The following DOP1A variants were observed in gnomAD, a reference collection of about 807,000 sequenced individuals.
DOP1A encodes DOP1 leucine zipper like protein A, also known as protein DOP1A.
In DOP1A, 90 loss-of-function variants were observed where a neutral mutation model predicts 267.6. That is an observed-to-expected ratio of 0.34 (90% CI 0.28 to 0.40). The LOEUF is 0.40. Ranked by LOEUF, DOP1A falls within the 10% of genes least tolerant of loss-of-function variation. The pLI, the probability that DOP1A is intolerant of heterozygous loss-of-function variation, is 1.00. For synonymous variants in DOP1A, 932 were observed against 999.1 expected (o/e 0.93, Z 1.27); for missense variants, 2,437 against 2,900.4 (o/e 0.84, Z 3.67).
In DOP1A at chr6:83,123,733, A is replaced by G. The variant is rs115854992; in HGVS notation, c.1340+751A>G. On this transcript the variant is annotated intron_variant, in intron 12 of 38. Coordinates refer to ENST00000349129, the MANE Select transcript of DOP1A (RefSeq NM_015018.4). Reference sequence around the variant, plus strand: ...GACAGTCCCTGTCTTCAAAGATCTTATAGTGGGAACAAATAAGACATGCAC... The same window carrying G: ...GACAGTCCCTGTCTTCAAAGATCTTGTAGTGGGAACAAATAAGACATGCAC... Among the ~76,000 whole-genome samples the G allele has an allele frequency of 2.5e-3, 380 of 152,234 alleles. 2 individuals carry two copies. Among genetic ancestry groups the G allele is most frequent in the African/African-American group, 8.5e-3 (353 of 41,570 alleles).
Position 83,113,306 on chromosome 6 carries a change from AG to A in DOP1A, c.682-16del. On this transcript the variant is annotated splice_polypyrimidine_tract_variant and intron_variant, in intron 6 of 38. Coordinates refer to ENST00000349129, the MANE Select transcript of DOP1A (RefSeq NM_015018.4). Reference sequence around the variant, plus strand: ...CAGCATAATAGACAATAGATGTTAAAGATGCTGTTATTTCAGGTAGAAGCAG... The same window carrying A: ...CAGCATAATAGACAATAGATGTTAAAATGCTGTTATTTCAGGTAGAAGCAG... The A allele has an allele frequency of 6.2e-7, 1 of 1,602,184 alleles. No homozygotes were observed. The highest frequency in any genetic ancestry group is 1.3e-5 in the African/African-American group (1 of 74,808).
intron 1 of DOP1A, among the ~76,000 whole-genome samples, chr6:83,081,179 T>G (rs533193009): frequency 6.6e-6 from 1 of 152,196 alleles, no homozygotes; most frequent in Admixed American, 6.5e-5. Flanking sequence ...TGGGGTGCAG[T>G]GGTGTGATCT....
At chr6:83,126,436 C>T (rs1777165803) in intron 15 of DOP1A, among the ~76,000 whole-genome samples, 1 of 152,044 alleles carries the variant, frequency 6.6e-6, no homozygotes, top group African/African-American at 2.4e-5. Context: ...TGTCTGTCTC[C>T]TGCTGCTATC....
chr6:83,131,695 G>A (rs772082778), intron 17 of DOP1A, among the ~76,000 whole-genome samples: 7 of 151,534 alleles, frequency 4.6e-5, no homozygotes, highest in East Asian at 1.9e-4. Flanking sequence ...TCGTTCTGTC[G>A]CGCAATCTCT....
At chr6:83,102,887 C>G (rs1772842095) in intron 4 of DOP1A, among the ~76,000 whole-genome samples, 1 of 152,120 alleles carries the variant, frequency 6.6e-6, no homozygotes, top group South Asian at 2.1e-4. Context: ...CTTTTCCCCC[C>G]AGTTTATTCC....
At chr6:83,139,310 A>G in intron 21 of DOP1A, 148 bp downstream of exon 21, 1 of 597,380 alleles carries the variant, frequency 1.7e-6, no homozygotes, top group Non-Finnish European at 2.9e-6. Flanking sequence ...AAAAAAGAAA[A>G]TTTGACTTGA....
rs369673810 is a variant in DOP1A at position 83,164,849 on chromosome 6, CTGG to C, written c.7092+1933_7092+1935del. 104 of 667,650 alleles carry C rather than the reference CTGG, an allele frequency of 1.6e-4. 2 individuals are homozygous for C. In the South Asian group the frequency reaches 2.0e-3, roughly 13 times the overall value. 41.4% of individuals were successfully genotyped at this position (667,650 alleles called of 1,614,324 possible). ...AAGGAAGTCTTTTTTCAAGTGTGGA[CTGG>C]TGAAGTCAAAGGAGAAATCATTTGT... On this transcript the variant is annotated intron_variant, in intron 38 of 38. Transcript: ENST00000349129.
chr6:83,163,066 AT>A (rs772643052), intron 38 of DOP1A, 147 bp downstream of exon 38: 91 of 777,110 alleles, frequency 1.2e-4, no homozygotes, highest in Middle Eastern at 3.2e-4. Context: ...GTTAATGTCC[AT>A]AAGCCTCATA....
At position 83,155,936 on chromosome 6, in the gene DOP1A, C is replaced by A. The variant is rs771415000; in HGVS notation, c.6452-15C>A. 13 of 1,603,606 alleles carry A rather than the reference C, an allele frequency of 8.1e-6. No homozygotes were observed. The South Asian group carries it at 1.5e-4, about 18-fold the overall frequency. On this transcript the variant is annotated splice_polypyrimidine_tract_variant and intron_variant, in intron 33 of 38. Coordinates refer to ENST00000349129, the MANE Select transcript of DOP1A (RefSeq NM_015018.4). ...CAGATGACAGTGTCACAGTCTCTTTCACTTGCTTTTTCAGCTCGTGTAGCA... is the reference window on the plus strand; with the variant it reads ...CAGATGACAGTGTCACAGTCTCTTTAACTTGCTTTTTCAGCTCGTGTAGCA...
intron 1 of DOP1A, among the ~76,000 whole-genome samples, chr6:83,090,677 A>G (rs1770187794): frequency 6.6e-6 from 1 of 152,196 alleles, no homozygotes; most frequent in Admixed American, 6.5e-5. Context: ...TATATTTTAG[A>G]AAAGTATTGG....
chr6:83,129,871 T>G (rs1777756985), intron 16 of DOP1A, among the ~76,000 whole-genome samples: 1 of 152,216 alleles, frequency 6.6e-6, no homozygotes, highest in South Asian at 2.1e-4. Flanking sequence ...TAATGCTTAT[T>G]GATCAATATA....
intron 24 of DOP1A, among the ~76,000 whole-genome samples, chr6:83,143,996 A>G (rs1437376625): frequency 9.9e-5 from 15 of 152,166 alleles, no homozygotes. Flanking sequence ...TAAAGATGAG[A>G]TTTGTTAACA....
chr6:83,109,218 T>TA, intron 5 of DOP1A, 138 bp downstream of exon 5: 2 of 719,066 alleles, frequency 2.8e-6, no homozygotes, highest in Non-Finnish European at 4.4e-6. Flanking sequence ...TCTATAGCAA[T>TA]GAAACATTAT....
In DOP1A at chr6:83,112,341, TC is replaced by T. The variant is rs770094951; in HGVS notation, c.682-981del. 3.3e-5 allele frequency among the ~76,000 whole-genome samples: 5 copies of T among 151,896 alleles called. No individual in the cohort carries two copies. In the East Asian group the frequency reaches 9.7e-4, roughly 29 times the overall value. On this transcript the variant is annotated intron_variant, in intron 6 of 38. Transcript: ENST00000349129. ...AGTTTAAACTACACCAAGCCAGTTT[TC>T]ATGTCAGATGGGCAAAAATACAAAT...
chr6:83,109,214 G>C (rs1774142874), intron 5 of DOP1A, 134 bp downstream of exon 5: 4 of 726,848 alleles, frequency 5.5e-6, no homozygotes, highest in Non-Finnish European at 8.7e-6. Flanking sequence ...TATTTCTATA[G>C]CAATGAAACA....
Position 83,135,888 on chromosome 6 carries a change from A to G in DOP1A, c.3130+10A>G. On this transcript the variant is annotated intron_variant, in intron 20 of 38. Coordinates refer to ENST00000349129, the MANE Select transcript of DOP1A (RefSeq NM_015018.4). ...TTTGCCTGCAGCAATGGTGAATAAC[A>G]CATAGAAGTAGACAGCTTTATTTAG... is the stretch of plus-strand genomic sequence containing the variant. 6.2e-7 allele frequency: 1 copy of G among 1,612,586 alleles called. No individual in the cohort carries two copies. Among genetic ancestry groups the G allele is most frequent in the South Asian group, 1.1e-5 (1 of 90,990 alleles).
chr6:83,077,844 A>T (rs1370883033), intron 1 of DOP1A, among the ~76,000 whole-genome samples: 4 of 152,228 alleles, frequency 2.6e-5, no homozygotes, highest in African/African-American at 9.6e-5. Flanking sequence ...AAAATACACT[A>T]ACACTTAACT....
Position 83,137,223 on chromosome 6 carries a change from A to T in DOP1A, c.3181A>T (p.Thr1061Ser). Residue 1061 changes from threonine to serine, a missense_variant, in exon 21 of 39, where the codon ACC becomes TCC. Coordinates refer to ENST00000349129, the MANE Select transcript of DOP1A (RefSeq NM_015018.4). Reference sequence around the variant, plus strand: ...AAAAGGAAATGGTGAAAAGCCACTTACCATGGATGAAATAGAGAACTTTAG... The same window carrying T: ...AAAAGGAAATGGTGAAAAGCCACTTTCCATGGATGAAATAGAGAACTTTAG... ...TSKGNGEKPL[T>S]MDEIENFSLT... 1 of 1,598,078 alleles carries T rather than the reference A, an allele frequency of 6.3e-7. No homozygotes were observed. The highest frequency in any genetic ancestry group is 8.5e-7 in the Non-Finnish European group (1 of 1,170,890).
chr6:83,103,041 C>A lies in DOP1A; in HGVS notation c.320+2155C>A, dbSNP rs1772877784. On this transcript the variant is annotated intron_variant, in intron 4 of 38. Transcript: ENST00000349129. Reference sequence around the variant, plus strand: ...TTATCATCTGAAATGGCCCTTCTTCCACATTTTTATCCCTAGTATTCTATT... The same window carrying A: ...TTATCATCTGAAATGGCCCTTCTTCAACATTTTTATCCCTAGTATTCTATT... Among the ~76,000 whole-genome samples, 4 of 152,128 alleles carry A rather than the reference C, an allele frequency of 2.6e-5. No individual in the cohort carries two copies. The South Asian group carries it at 8.3e-4, about 32-fold the overall frequency.
Sources: allele counts gnomAD v4.1 joint callset (sites outside exome capture counted in the v4.1 genomes callset), GRCh38; gene constraint gnomAD v4.1.1; transcripts MANE v1.5; gene names NCBI Gene and HGNC (gene_info 2026-07-23, HGNC 2026-07-21).